The following ALOXE3 variants were observed in gnomAD, a reference collection of about 807,000 sequenced individuals.
The protein encoded by ALOXE3 is arachidonate epidermal lipoxygenase 3, also known as hydroperoxide isomerase ALOXE3.
ALOXE3 carries 78 observed loss-of-function variants against 87.5 expected under a neutral mutation model. The observed-to-expected ratio is 0.89, with a 90% CI of 0.74 to 1.08. The LOEUF (loss-of-function observed/expected upper bound fraction) is 1.08. Among genes scored for constraint, ALOXE3 ranks in the 50% least tolerant of loss-of-function variants. The pLI, the probability that ALOXE3 is intolerant of heterozygous loss-of-function variation, is 0.00. For missense variants in ALOXE3, 946 were observed against 912.4 expected, an observed-to-expected ratio of 1.04 and a Z score of -0.47; for synonymous variants, 363 against 370.8, an observed-to-expected ratio of 0.98 and a Z score of 0.24.
chr17:8,115,498 T>C, intron 4 of ALOXE3, 109 bp downstream of exon 4: 1 of 1,188,540 alleles, frequency 8.4e-7, no homozygotes, highest in African/African-American at 1.5e-5. Flanking sequence ...AGAGTCCTGA[T>C]CCAAGCTAGG....
At chr17:8,102,572 C>T (rs551434231) in intron 15 of ALOXE3, among the ~76,000 whole-genome samples, 54 of 152,148 alleles carry the variant, frequency 3.5e-4, no homozygotes, top group Non-Finnish European at 6.6e-4. Flanking sequence ...CCTTCCTCTC[C>T]GCTCTGCTAT....
chr17:8,118,511 G>T lies in ALOXE3; in HGVS notation c.-339C>A. The stretch of plus-strand genomic sequence containing the variant: ...CTGCATTCCTACGTGTGAATCATCC[G>T]TGTGAATCACTAAACAGTGGAGAGT... On this transcript the variant is annotated 5_prime_UTR_variant, in exon 1 of 16. Transcript: ENST00000448843. 3 of 1,538,762 alleles carry T rather than the reference G, an allele frequency of 1.9e-6. No homozygotes were observed. The highest frequency in any genetic ancestry group is 1.7e-6 in the Non-Finnish European group (2 of 1,144,074).
chr17:8,112,023 G>T, intron 7 of ALOXE3, 70 bp downstream of exon 7: 1 of 1,412,016 alleles, frequency 7.1e-7, no homozygotes, highest in South Asian at 1.2e-5. Flanking sequence ...CCCTTTCCCA[G>T]GAAGGAGAGG....
intron 15 of ALOXE3, among the ~76,000 whole-genome samples, chr17:8,102,314 G>A (rs1978973773): frequency 6.6e-6 from 1 of 152,192 alleles, no homozygotes; most frequent in African/African-American, 2.4e-5. Context: ...CCAACATGGT[G>A]AAACCCCATC....
Position 8,110,243 on chromosome 17 carries a change from T to A in ALOXE3, c.1154A>T (p.Glu385Val), listed in dbSNP as rs1343497070. The change falls in exon 10 of 16, where the codon GAA (glutamate) becomes GTA (valine). Residue 385 changes from glutamate to valine, a missense_variant. By Grantham distance (121) the Glu-to-Val change is moderately radical (BLOSUM62 -2). Transcript: ENST00000448843. ...DSPIFLPTDS[E>V]WDWLLAKTWV... ...CGTCTTGGCCAGCAGCCAGTCCCAT[T>A]CGGAGTCAGTGGGCAGGAAGATGGG... is the stretch of plus-strand genomic sequence containing the variant. The A allele has an allele frequency of 6.2e-7, 1 of 1,614,054 alleles. No homozygotes were observed. The highest frequency in any genetic ancestry group is 1.3e-5 in the African/African-American group (1 of 75,036).
rs566701564 is a variant in ALOXE3 at position 8,111,659 on chromosome 17, A to G, written c.785-128T>C. The G allele has an allele frequency of 5.5e-6, 5 of 912,102 alleles. No homozygotes were observed. The Admixed American group carries it at 5.9e-5, about 11-fold the overall frequency. The allele number at this position is 912,102 out of a possible 1,614,324, so 56.5% of individuals were successfully genotyped here. On this transcript the variant is annotated intron_variant, in intron 7 of 15. Coordinates refer to ENST00000448843, the MANE Select transcript of ALOXE3 (RefSeq NM_021628.3). Reference sequence around the variant, plus strand: ...AAAACTCTATGAGGTAGGAATCATTATATCTTCAATTTAATACTAGACACT... The same window carrying G: ...AAAACTCTATGAGGTAGGAATCATTGTATCTTCAATTTAATACTAGACACT...
At position 8,096,755 on chromosome 17, in the gene ALOXE3, G is replaced by A. The variant is rs141882639; in HGVS notation, c.2008C>T (p.Arg670Trp). Residue 670 changes from arginine (R) to tryptophan (W), a missense_variant, in exon 16 of 16, where the codon CGG becomes TGG. Arg to Trp is a moderately radical substitution (Grantham distance 101). Coordinates refer to ENST00000448843, the MANE Select transcript of ALOXE3 (RefSeq NM_021628.3). ...DEHFTEEAPR[R>W]SIAAFQSRLA... ...CGGCTCTGGAAGGCGGCGATGCTCC[G>A]CCTCGGGGCCTCCTCTGTGAAGTGC... 1,064 of 1,614,174 alleles carry A rather than the reference G, an allele frequency of 6.6e-4. 4 individuals carry two copies. The highest frequency in any genetic ancestry group is 4.1e-3 in the Middle Eastern group (25 of 6,060).
rs989809638 is a variant in ALOXE3 at position 8,096,378 on chromosome 17, C to T, written c.*249G>A. The T allele has an allele frequency of 8.1e-6, 4 of 494,128 alleles. No individual in the cohort carries two copies. The highest frequency in any genetic ancestry group is 7.2e-6 in the Non-Finnish European group (2 of 276,184). 30.6% of individuals were successfully genotyped at this position (494,128 alleles called of 1,614,324 possible). A position where few individuals can be genotyped will look rare whatever the true frequency, so the allele number is the denominator to read the frequency against. On this transcript the variant is annotated 3_prime_UTR_variant, in exon 16 of 16. Transcript: ENST00000448843. ...AAGAAGTGAAGCGGTTCCTTCCTTT[C>T]GGAGGGGCTATTGTGCATTGGACTT...
Position 8,109,269 on chromosome 17 carries a change from G to C in ALOXE3, c.1467C>G (p.Phe489Leu). The part of the protein sequence containing the change: ...TGLAHFTYTN[F>L]CLPDSLRARG... ...GGGCCCGCAGGCTGTCCGGAAGGCA[G>C]AAATTGGTGTAGGTGAAGTGGGCCA... The change falls in exon 12 of 16, where the codon TTC (phenylalanine) becomes TTG (leucine). Residue 489 changes from phenylalanine (F) to leucine (L), a missense_variant. Phe to Leu is a conservative substitution (Grantham distance 22). Transcript: ENST00000448843. 6.2e-7 allele frequency: 1 copy of C among 1,614,174 alleles called. No individual in the cohort carries two copies. Among genetic ancestry groups the C allele is most frequent in the East Asian group, 2.2e-5 (1 of 44,876 alleles).
At chr17:8,102,537 C>T (rs1030487301) in intron 15 of ALOXE3, among the ~76,000 whole-genome samples, 4 of 152,244 alleles carry the variant, frequency 2.6e-5, no homozygotes, top group Admixed American at 6.5e-5. Flanking sequence ...GTCTTCTAAA[C>T]GAACACTGTG....
At chr17:8,100,505 A>C (rs959064443) in intron 15 of ALOXE3, among the ~76,000 whole-genome samples, 1 of 152,258 alleles carries the variant, frequency 6.6e-6, no homozygotes, top group Non-Finnish European at 1.5e-5. Context: ...GAGAATCTTA[A>C]GAAAAAAGAA....
chr17:8,114,867 C>G (rs575618232), intron 5 of ALOXE3, 71 bp downstream of exon 5: 554 of 1,605,428 alleles, frequency 3.5e-4, no homozygotes, highest in South Asian at 1.9e-3. Flanking sequence ...TCCTGGCTAT[C>G]AGGACCCCAT....
chr17:8,111,545 G>C lies in ALOXE3; in HGVS notation c.785-14C>G. ...CTGTGACATACTCTGGGATACAAGA[G>C]AGGGGACCAGTTGGTCTAGAAACTA... is the stretch of plus-strand genomic sequence containing the variant. On this transcript the variant is annotated splice_polypyrimidine_tract_variant and intron_variant, in intron 7 of 15. Transcript: ENST00000448843. 1.2e-6 allele frequency: 2 copies of C among 1,614,068 alleles called. No individual in the cohort carries two copies. Among genetic ancestry groups the C allele is most frequent in the Non-Finnish European group, 1.7e-6 (2 of 1,179,994 alleles).
In ALOXE3 at chr17:8,112,176, C is replaced by T. The variant is rs527332706; in HGVS notation, c.701G>A (p.Arg234Gln). The T allele has an allele frequency of 8.1e-6, 13 of 1,614,110 alleles. No homozygotes were observed. Among genetic ancestry groups the T allele is most frequent in the South Asian group, 3.3e-5 (3 of 91,084 alleles). Residue 234 changes from arginine (R) to glutamine (Q), a missense_variant, in exon 7 of 16, where the codon CGA becomes CAA. By Grantham distance (43) the Arg-to-Gln change is conservative. Coordinates refer to ENST00000448843, the MANE Select transcript of ALOXE3 (RefSeq NM_021628.3). ...AIPASLGMKLRGLLDRKGSWK... is the reference protein window; with the variant it reads ...AIPASLGMKLQGLLDRKGSWK... ...GGAGCCCTTGCGATCCAACAGCCCT[C>T]GAAGCTTCATTCCCAAGGACCTGAT... is the stretch of plus-strand genomic sequence containing the variant.
At chr17:8,115,813 G>A (rs544350657) in intron 3 of ALOXE3, 125 bp from the exon 4 acceptor site, 64 of 900,788 alleles carry the variant, frequency 7.1e-5, no homozygotes, top group African/African-American at 6.7e-4. Flanking sequence ...AACACGTGGC[G>A]GTGCCCCCAC....
intron 1 of ALOXE3, 46 bp from the exon 2 acceptor site, chr17:8,118,349 C>A (rs1373648606): frequency 6.4e-7 from 1 of 1,551,732 alleles, no homozygotes; most frequent in Non-Finnish European, 8.7e-7. Flanking sequence ...AAGGAGGTAA[C>A]GCCTGTATAA....
Position 8,104,227 on chromosome 17 carries a change from G to A in ALOXE3, c.1685-12C>T. ...CCGGCTTGGGAAACCTGGGTGTGGG[G>A]AGGAAGGGTAGAGGGTGTGGATGGA... On this transcript the variant is annotated splice_polypyrimidine_tract_variant and intron_variant, in intron 13 of 15. Coordinates refer to ENST00000448843, the MANE Select transcript of ALOXE3 (RefSeq NM_021628.3). 6.2e-7 allele frequency: 1 copy of A among 1,607,736 alleles called. No individual in the cohort carries two copies. The highest frequency in any genetic ancestry group is 8.5e-7 in the Non-Finnish European group (1 of 1,174,520).
intron 11 of ALOXE3, 95 bp downstream of exon 11, chr17:8,109,821 A>G (rs1303494156): frequency 7.5e-7 from 1 of 1,330,100 alleles, no homozygotes; most frequent in African/African-American, 1.5e-5. Flanking sequence ...AGGTGTCCTC[A>G]CAAGGGGCTT....
At chr17:8,104,773 G>T (rs932417933) in intron 13 of ALOXE3, among the ~76,000 whole-genome samples, 1 of 152,202 alleles carries the variant, frequency 6.6e-6, no homozygotes, top group Non-Finnish European at 1.5e-5. Flanking sequence ...GAGGACAAGA[G>T]GGGCCTTGTG....
Sources: gnomAD v4.1 joint callset for allele counts (sites outside exome capture counted in the v4.1 genomes callset) on GRCh38, gnomAD v4.1.1 for gene constraint, MANE v1.5 for transcripts, NCBI Gene and HGNC (gene_info 2026-07-23, HGNC 2026-07-21) for gene names.